BLNK: variants seen among roughly 807,000 people sequenced by gnomAD.
The protein encoded by BLNK is B cell linker.
BLNK carries 29 observed loss-of-function variants against 73.5 expected under a neutral mutation model. The observed-to-expected ratio is 0.39, with a 90% CI of 0.29 to 0.54. The LOEUF is 0.54. BLNK is among the 20% of genes least tolerant of loss of function. The pLI is 0.61. For missense variants in BLNK, 460 were observed against 562.8 expected (o/e 0.82, Z 1.85); for synonymous variants, 176 against 200.8 (o/e 0.88, Z 1.04).
chr10:96,270,723 C>G (rs1554915481), intron 1 of BLNK, among the ~76,000 whole-genome samples: 1 of 152,092 alleles, frequency 6.6e-6, no homozygotes, highest in Admixed American at 6.5e-5. Flanking sequence ...AAAAGAAGAC[C>G]TTCAAAAGCA....
chr10:96,225,332 G>T (rs1197798113), intron 5 of BLNK, among the ~76,000 whole-genome samples: 1 of 152,144 alleles, frequency 6.6e-6, no homozygotes, highest in Non-Finnish European at 1.5e-5. Context: ...GCCCCACCTC[G>T]CCCGGTGCAG....
chr10:96,225,206 T>C (rs1842200763), intron 5 of BLNK, among the ~76,000 whole-genome samples: 1 of 152,190 alleles, frequency 6.6e-6, no homozygotes, highest in African/African-American at 2.4e-5. Context: ...TGATGTGTTT[T>C]AGGAAAATCT....
In BLNK at chr10:96,204,061, C is replaced by T. The variant is rs781893863; in HGVS notation, c.930G>A (p.Leu310=). 1 of 1,613,422 alleles carries T rather than the reference C, an allele frequency of 6.2e-7. No homozygotes were observed. The highest frequency in any genetic ancestry group is 8.5e-7 in the Non-Finnish European group (1 of 1,179,550). Residue 310 remains leucine (L), a synonymous_variant, in exon 13 of 17, where the codon CTG becomes CTA. Transcript: ENST00000224337. The part of the protein sequence containing the change: ...QKQIHQKPIP[L]PRFTEGGNPT... ...ACATGGCTTCGTTGTACTTACTTGGCAGAGGTATGGGTTTTTGGTGGATTT... is the reference window on the plus strand; with the variant it reads ...ACATGGCTTCGTTGTACTTACTTGGTAGAGGTATGGGTTTTTGGTGGATTT...
At chr10:96,205,388 T>TA (rs1245078971) in intron 11 of BLNK, 4 of 152,216 alleles carry the variant, frequency 2.6e-5, no homozygotes, top group African/African-American at 7.2e-5. Flanking sequence ...GGCTGAGAAC[T>TA]ACAGAAACCC....
In BLNK at chr10:96,270,458, C is replaced by T. The variant is rs1415541924; in HGVS notation, c.47+894G>A. ...CAGAGGGGAACATCACACACCGGGG[C>T]CTGTCAAGGTGGGGGACTAGGGGAG... On this transcript the variant is annotated intron_variant, in intron 1 of 16. Transcript: ENST00000224337. Among the ~76,000 whole-genome samples, 3 of 151,988 alleles carry T rather than the reference C, an allele frequency of 2.0e-5. No homozygotes were observed. The East Asian group carries it at 5.8e-4, about 29-fold the overall frequency.
At chr10:96,213,775 C>T (rs1306670143) in intron 8 of BLNK, among the ~76,000 whole-genome samples, 2 of 152,168 alleles carry the variant, frequency 1.3e-5, no homozygotes, top group Non-Finnish European at 2.9e-5. Context: ...AACAACAGCC[C>T]TCATCCTGAG....
chr10:96,231,662 G>A (rs1213511612), intron 3 of BLNK, among the ~76,000 whole-genome samples: 1 of 151,480 alleles, frequency 6.6e-6, no homozygotes, highest in African/African-American at 2.4e-5. Context: ...AGGGGGTCGA[G>A]GCTGCAGTGA....
intron 3 of BLNK, among the ~76,000 whole-genome samples, chr10:96,234,226 C>A (rs1481258454): frequency 1.3e-5 from 2 of 152,210 alleles, no homozygotes; most frequent in African/African-American, 4.8e-5. Flanking sequence ...CATCTTGGCA[C>A]ATGGAGACAG....
At chr10:96,235,054 A>G (rs1307832871) in intron 3 of BLNK, among the ~76,000 whole-genome samples, 4 of 152,212 alleles carry the variant, frequency 2.6e-5, no homozygotes, top group African/African-American at 9.7e-5. Flanking sequence ...CCCAGGTTTT[A>G]AGATTCATGT....
In BLNK at chr10:96,204,143, G is replaced by T; in HGVS notation, c.903-55C>A. 1.9e-6 allele frequency: 3 copies of T among 1,593,508 alleles called. No individual in the cohort carries two copies. In the South Asian group the frequency reaches 3.3e-5, roughly 18 times the overall value. On this transcript the variant is annotated intron_variant, in intron 12 of 16. Transcript: ENST00000224337. ...GACAAAGCACAATATGAGTAAGTTT[G>T]ACTTTTTGTTTACACTGATGATGCT...
At chr10:96,215,091 G>T (rs781970323) in intron 8 of BLNK, among the ~76,000 whole-genome samples, 1 of 152,174 alleles carries the variant, frequency 6.6e-6, no homozygotes, top group African/African-American at 2.4e-5. Context: ...AGCCAGCAAG[G>T]TGCCCAGGAA....
rs782619779 is a variant in BLNK at position 96,230,797 on chromosome 10, G to C, written c.201C>G (p.Asp67Glu). The C allele has an allele frequency of 2.5e-6, 4 of 1,610,042 alleles. No homozygotes were observed. Among genetic ancestry groups the C allele is most frequent in the Admixed American group, 3.4e-5 (2 of 59,550 alleles). ...GGTCCCAGGAGCAAATACTTACAAA[G>C]TCATCGGACCACTGCTCCTCTTCGT... Reference protein sequence around the residue: ...PADEEEQWSDDFDSDYENPDE... With the variant: ...PADEEEQWSDEFDSDYENPDE... Residue 67 changes from aspartate (D) to glutamate (E), a missense_variant, in exon 4 of 17, where the codon GAC becomes GAG. Asp to Glu is a conservative substitution (Grantham distance 45). Around this residue, in one of 3 missense-constraint regions of BLNK, gnomAD observed 139 missense variants for 187.3 expected, o/e 0.74. Transcript: ENST00000224337.
At chr10:96,217,083 T>C (rs985307863) in intron 6 of BLNK, among the ~76,000 whole-genome samples, 1 of 152,224 alleles carries the variant, frequency 6.6e-6, no homozygotes, top group Non-Finnish European at 1.5e-5. Context: ...CTGTAGTCTT[T>C]TGAGACTTCT....
At chr10:96,221,824 C>T (rs782265097) in intron 6 of BLNK, among the ~76,000 whole-genome samples, 5 of 152,170 alleles carry the variant, frequency 3.3e-5, no homozygotes, top group South Asian at 4.1e-4. Flanking sequence ...AGGACAACAT[C>T]GCCTCTCAGA....
chr10:96,204,631 T>C lies in BLNK; in HGVS notation c.818-15A>G. ...TATAGGTTTTTCTGGATCAGGAAAA[T>C]TATCATATTAGGATTAGAGTGAAAT... is the stretch of plus-strand genomic sequence containing the variant. On this transcript the variant is annotated splice_polypyrimidine_tract_variant and intron_variant, in intron 11 of 16. Transcript: ENST00000224337. 6.2e-7 allele frequency: 1 copy of C among 1,612,684 alleles called. No homozygotes were observed. The highest frequency in any genetic ancestry group is 8.5e-7 in the Non-Finnish European group (1 of 1,178,842).
intron 4 of BLNK, among the ~76,000 whole-genome samples, chr10:96,230,436 T>C (rs587618585): frequency 1.1e-3 from 174 of 152,294 alleles, no homozygotes; most frequent in South Asian, 2.1e-3. Context: ...CAGGCAGTGA[T>C]GGGCACTGGG....
chr10:96,204,005 G>A (rs1228498247), intron 13 of BLNK, 52 bp downstream of exon 13: 8 of 1,517,312 alleles, frequency 5.3e-6, no homozygotes, highest in Non-Finnish European at 7.3e-6. Flanking sequence ...TCAGACTCTA[G>A]GATCCAGCCT....
At chr10:96,212,976 A>G (rs1554899013) in intron 8 of BLNK, among the ~76,000 whole-genome samples, 1 of 152,234 alleles carries the variant, frequency 6.6e-6, no homozygotes, top group African/African-American at 2.4e-5. Context: ...TCACATAACC[A>G]GGACATTATT....
chr10:96,236,848 T>A (rs587675932), intron 3 of BLNK, among the ~76,000 whole-genome samples: 9 of 151,912 alleles, frequency 5.9e-5, no homozygotes, highest in African/African-American at 2.2e-4. Context: ...AAGAAATACT[T>A]ATCATCGTAG....
Sources: allele counts gnomAD v4.1 joint callset (sites outside exome capture counted in the v4.1 genomes callset), GRCh38; gene constraint gnomAD v4.1.1; regional missense constraint gnomAD v4.1.1; transcripts MANE v1.5; gene names NCBI Gene and HGNC (gene_info 2026-07-23, HGNC 2026-07-21).